Variants in ACSL4 observed in about 807,000 individuals in gnomAD.
The protein encoded by ACSL4 is long-chain-fatty-acid--CoA ligase 4.
ACSL4 carries 9 observed loss-of-function variants against 49.1 expected under a neutral mutation model. The ratio of observed to expected loss-of-function variants is 0.18; its 90% CI spans 0.11 to 0.32. ACSL4 has a LOEUF of 0.32. Ranked by LOEUF, ACSL4 falls within the 10% of genes least tolerant of loss-of-function variation. The pLI is 1.00. For missense variants in ACSL4, 333 were observed against 493.7 expected, an observed-to-expected ratio of 0.67 and a Z score of 3.08; for synonymous variants, 191 against 170.3, an observed-to-expected ratio of 1.12 and a Z score of -0.95.
chrX:109,657,208 G>A (rs943289940), intron 15 of ACSL4, among the ~76,000 whole-genome samples: 9 of 111,459 alleles, frequency 8.1e-5, no homozygotes, highest in Admixed American at 4.7e-4. Context: ...TATCCAAAAC[G>A]TGTTTTTTAT....
At chrX:109,665,988 T>C (rs1922600421) in intron 11 of ACSL4, among the ~76,000 whole-genome samples, 1 of 112,388 alleles carries the variant, frequency 8.9e-6, no homozygotes, top group Admixed American at 9.4e-5. Flanking sequence ...TCAAAAGATG[T>C]TAGCTGCTGT....
chrX:109,645,518 C>T (rs1468583372), intron 15 of ACSL4, among the ~76,000 whole-genome samples: 29 of 112,075 alleles, frequency 2.6e-4, no homozygotes, highest in African/African-American at 8.4e-4. Context: ...AAAAACCGAT[C>T]TGTACATCAC....
chrX:109,644,004 C>G lies in ACSL4; in HGVS notation c.*25G>C. On this transcript the variant is annotated 3_prime_UTR_variant, in exon 16 of 16. Transcript: ENST00000672401. Reference sequence around the variant, plus strand: ...GAAAACCACCAGGCTACCTCCTGCACAACTGTCAATAAGACAACAACATTT... The same window carrying G: ...GAAAACCACCAGGCTACCTCCTGCAGAACTGTCAATAAGACAACAACATTT... 1 of 1,209,961 alleles carries G rather than the reference C, an allele frequency of 8.3e-7. No homozygotes were observed. The highest frequency in any genetic ancestry group is 1.8e-5 in the South Asian group (1 of 56,992).
rs1020586178 is a variant in ACSL4 at position 109,641,701 on chromosome X, C to A, written c.*2328G>T. The A allele has an allele frequency of 8.9e-6, 1 of 111,872 alleles. No homozygotes were observed. Among genetic ancestry groups the A allele is most frequent in the Non-Finnish European group, 1.9e-5 (1 of 53,046 alleles). The allele number at this position is 111,872 out of a possible 1,213,427, so 9.2% of individuals were successfully genotyped here. ...TTATCTGTATTTCTGAAATATCACA[C>A]AATTATACCTCTACTCTAGAGAAAA... On this transcript the variant is annotated 3_prime_UTR_variant, in exon 16 of 16. Transcript: ENST00000672401.
chrX:109,703,582 T>C (rs768274951), intron 1 of ACSL4, among the ~76,000 whole-genome samples: 2 of 112,448 alleles, frequency 1.8e-5, no homozygotes, highest in African/African-American at 6.5e-5. Flanking sequence ...GTTTGATAGA[T>C]ACCAAAAACA....
intron 1 of ACSL4, among the ~76,000 whole-genome samples, chrX:109,728,522 G>A (rs1468778944): frequency 8.9e-6 from 1 of 112,295 alleles, no homozygotes; most frequent in Non-Finnish European, 1.9e-5. Flanking sequence ...TTTTAATGTT[G>A]CATTTGACAG....
At chrX:109,652,647 A>T (rs1262191901) in intron 15 of ACSL4, among the ~76,000 whole-genome samples, 1 of 111,591 alleles carries the variant, frequency 9.0e-6, no homozygotes, top group Non-Finnish European at 1.9e-5. Context: ...GAAATGCTAT[A>T]CTTAAATACC....
intron 15 of ACSL4, among the ~76,000 whole-genome samples, chrX:109,649,355 C>T (rs919713039): frequency 1.8e-5 from 2 of 111,207 alleles, no homozygotes; most frequent in African/African-American, 6.6e-5. Context: ...AGAACAGAGG[C>T]CTCACAAATA....
At chrX:109,703,757 C>G (rs1926139001) in intron 1 of ACSL4, among the ~76,000 whole-genome samples, 1 of 111,233 alleles carries the variant, frequency 9.0e-6, no homozygotes, top group Admixed American at 9.6e-5. Context: ...CATGGTGAAA[C>G]CCTGTCTCTA....
Position 109,678,271 on chromosome X carries a change from C to T in ACSL4, c.800G>A (p.Gly267Glu). Residue 267 changes from glycine to glutamate, a missense_variant, in exon 7 of 16, where the codon GGA (glycine) becomes GAA (glutamate). Physicochemically the swap from Gly to Glu is moderately conservative, Grantham distance 98 (BLOSUM62 -2). This residue lies in a region of ACSL4 where 157 missense variants were observed against 201.1 expected (regional missense o/e 0.78). Transcript: ENST00000672401. ...AGTTAAAGAATTATCTTACCCCAGT[C>T]CAGGTATTCTTTCACACTGGCCTGT... Reference protein sequence around the residue: ...GMTGQCERIPGLGPKDTYIGY... With the variant: ...GMTGQCERIPELGPKDTYIGY... The T allele has an allele frequency of 8.3e-7, 1 of 1,211,597 alleles. No homozygotes were observed. The highest frequency in any genetic ancestry group is 1.1e-6 in the Non-Finnish European group (1 of 895,386).
At chrX:109,680,691 G>A (rs928398425) in intron 6 of ACSL4, among the ~76,000 whole-genome samples, 5 of 112,479 alleles carry the variant, frequency 4.4e-5, no homozygotes, top group Admixed American at 3.7e-4. Flanking sequence ...TCTTTTATGA[G>A]GCCCAAATTG....
intron 11 of ACSL4, among the ~76,000 whole-genome samples, chrX:109,666,806 T>A (rs1444357982): frequency 1.8e-5 from 2 of 111,862 alleles, no homozygotes; most frequent in African/African-American, 6.5e-5. Context: ...TCCCAGCTAC[T>A]CAGGAGGCTA....
At chrX:109,700,533 T>A in intron 1 of ACSL4, among the ~76,000 whole-genome samples, 1 of 101,004 alleles carries the variant, frequency 9.9e-6, no homozygotes, top group African/African-American at 3.7e-5. Context: ...TGAGACTCTG[T>A]CTCATAAAAA....
At chrX:109,651,191 T>C (rs961113462) in intron 15 of ACSL4, among the ~76,000 whole-genome samples, 3 of 112,133 alleles carry the variant, frequency 2.7e-5, no homozygotes, top group Non-Finnish European at 3.8e-5. Flanking sequence ...TTAACAGTAA[T>C]ATTAATCAAC....
chrX:109,703,712 A>C (rs1926135686), intron 1 of ACSL4, among the ~76,000 whole-genome samples: 1 of 111,840 alleles, frequency 8.9e-6, no homozygotes, highest in African/African-American at 3.3e-5. Flanking sequence ...TGGGCAGAAC[A>C]CTTGAGGTCA....
chrX:109,722,409 A>G (rs930586804), intron 1 of ACSL4, among the ~76,000 whole-genome samples: 1 of 112,141 alleles, frequency 8.9e-6, no homozygotes, highest in African/African-American at 3.2e-5. Flanking sequence ...TATAAGTTGC[A>G]AAAGAATACA....
chrX:109,666,487 T>C (rs189443145), intron 11 of ACSL4, among the ~76,000 whole-genome samples: 199 of 111,627 alleles, frequency 1.8e-3, no homozygotes, highest in Non-Finnish European at 2.2e-3. Context: ...AGATTAAAGA[T>C]GTCAAAGCTA....
rs760580925 is a variant in ACSL4, at chrX:109,669,692, A to C, written c.1003-519T>G. On this transcript the variant is annotated intron_variant, in intron 9 of 15. Coordinates refer to ENST00000672401, the MANE Select transcript of ACSL4 (RefSeq NM_001318510.2). Reference sequence around the variant, plus strand: ...CAGGCGTGAGCCACCGTGCCCAGCCAAGTTAATCTAAATTTTTAAGAAATG... The same window carrying C: ...CAGGCGTGAGCCACCGTGCCCAGCCCAGTTAATCTAAATTTTTAAGAAATG... Among the ~76,000 whole-genome samples the C allele has an allele frequency of 9.7e-4, 109 of 112,371 alleles. 1 individual carries two copies. Among genetic ancestry groups the C allele is most frequent in the Non-Finnish European group, 2.8e-4 (15 of 53,209 alleles).
chrX:109,647,729 C>A (rs1934791517), intron 15 of ACSL4, among the ~76,000 whole-genome samples: 1 of 111,031 alleles, frequency 9.0e-6, no homozygotes, highest in Admixed American at 9.5e-5. Flanking sequence ...ATTAATGAAT[C>A]CAGGAGGTGG....
Sources: allele counts gnomAD v4.1 joint callset (sites outside exome capture counted in the v4.1 genomes callset), GRCh38; gene constraint gnomAD v4.1.1; regional missense constraint gnomAD v4.1.1; transcripts MANE v1.5; gene names NCBI Gene and HGNC (gene_info 2026-07-23, HGNC 2026-07-21).